GLI3: variants seen among roughly 807,000 people sequenced by gnomAD.
GLI3 encodes the protein GLI family zinc finger 3.
Under a neutral mutation model 100.8 loss-of-function variants are expected in GLI3, and 20 were observed. That is an observed-to-expected ratio of 0.20 (90% confidence interval 0.14 to 0.29). The LOEUF (loss-of-function observed/expected upper bound fraction) is 0.29. GLI3 is among the 10% of genes least tolerant of loss of function. GLI3 has a pLI of 1.00. For synonymous variants in GLI3, 938 were observed against 860.5 expected (o/e 1.09, Z -1.58); for missense variants, 2,040 against 2,128.5 (o/e 0.96, Z 0.82).
At position 42,159,375 on chromosome 7, in the gene GLI3, C is replaced by T. The variant is rs117163365; in HGVS notation, c.125-10907G>A. Reference sequence around the variant, plus strand: ...GGATTATTTACCAACAAATGAAAGGCCCTTCATGCTGCCCAAGAGTATAAT... The same window carrying T: ...GGATTATTTACCAACAAATGAAAGGTCCTTCATGCTGCCCAAGAGTATAAT... On this transcript the variant is annotated intron_variant, in intron 2 of 14. Coordinates refer to ENST00000395925, the MANE Select transcript of GLI3 (RefSeq NM_000168.6). Among the ~76,000 whole-genome samples the T allele has an allele frequency of 2.1e-3, 321 of 152,282 alleles. 5 individuals carry two copies. In the East Asian group the frequency reaches 0.032, roughly 15 times the overall value.
intron 10 of GLI3, among the ~76,000 whole-genome samples, chr7:42,021,338 G>C (rs1344448781): frequency 6.6e-6 from 1 of 152,052 alleles, no homozygotes; most frequent in Non-Finnish European, 1.5e-5. Flanking sequence ...AATTAAAATA[G>C]TCCACTGTAT....
At chr7:42,100,958 A>G (rs1034481318) in intron 3 of GLI3, among the ~76,000 whole-genome samples, 15 of 152,144 alleles carry the variant, frequency 9.9e-5, no homozygotes. Flanking sequence ...CTGACAGATA[A>G]TAAATTTCTG....
chr7:42,119,642 T>C (rs1366293888), intron 3 of GLI3, among the ~76,000 whole-genome samples: 2 of 152,144 alleles, frequency 1.3e-5, no homozygotes, highest in African/African-American at 2.4e-5. Context: ...TTCCCAGATT[T>C]CCTATAGAAA....
intron 3 of GLI3, among the ~76,000 whole-genome samples, chr7:42,113,205 G>A (rs1045848784): frequency 4.6e-5 from 7 of 152,130 alleles, no homozygotes; most frequent in Non-Finnish European, 1.0e-4. Context: ...AGGAATGCCA[G>A]GGATGCTCGT....
chr7:42,111,314 G>A (rs1785700997), intron 3 of GLI3, among the ~76,000 whole-genome samples: 1 of 152,206 alleles, frequency 6.6e-6, no homozygotes, highest in Admixed American at 6.5e-5. Context: ...GGTGAGGCAA[G>A]TTCAGCAGTG....
chr7:42,094,544 T>G (rs1394655156), intron 3 of GLI3, among the ~76,000 whole-genome samples: 2 of 151,950 alleles, frequency 1.3e-5, no homozygotes, highest in African/African-American at 2.4e-5. Context: ...GAGACCAGCC[T>G]GGCCAACATG....
At chr7:42,232,278 C>G (rs1788709127) in intron 1 of GLI3, among the ~76,000 whole-genome samples, 1 of 152,170 alleles carries the variant, frequency 6.6e-6, no homozygotes, top group South Asian at 2.1e-4. Flanking sequence ...AAGTTTTCCC[C>G]TAAATCTCTG....
intron 1 of GLI3, among the ~76,000 whole-genome samples, chr7:42,243,832 T>C (rs531703822): frequency 6.6e-6 from 1 of 152,094 alleles, no homozygotes; most frequent in East Asian, 1.9e-4. Context: ...CTCATTCTTT[T>C]GTTGTTGTTG....
intron 2 of GLI3, among the ~76,000 whole-genome samples, chr7:42,160,139 A>C (rs983141503): frequency 3.9e-5 from 6 of 152,210 alleles, no homozygotes; most frequent in Non-Finnish European, 5.9e-5. Context: ...AGGGTTAAAC[A>C]TAATAGCATA....
intron 4 of GLI3, among the ~76,000 whole-genome samples, chr7:42,072,598 C>T (rs1784804581): frequency 6.6e-6 from 1 of 152,162 alleles, no homozygotes; most frequent in African/African-American, 2.4e-5. Context: ...CAATTGCCTA[C>T]ATTCCCAAGT....
intron 1 of GLI3, among the ~76,000 whole-genome samples, chr7:42,261,202 C>CACACACACACACAA (rs1438678123): frequency 1.1e-3 from 134 of 118,920 alleles, no homozygotes; most frequent in South Asian, 0.01. Flanking sequence ...CACACACAAA[C>CACACACACACACAA]ACACACACAC....
chr7:42,042,852 C>A lies in GLI3; in HGVS notation c.826+2532G>T, dbSNP rs1372619119. On this transcript the variant is annotated intron_variant, in intron 6 of 14. Transcript: ENST00000395925. ...AATATAAATAGTGGTCTTCAGGGGC[C>A]CTCATCTCTAGAATGTTCCTTATAG... Among the ~76,000 whole-genome samples, 3 of 152,148 alleles carry A rather than the reference C, an allele frequency of 2.0e-5. No individual in the cohort carries two copies. The East Asian group carries it at 5.8e-4, about 29-fold the overall frequency.
At chr7:41,975,320 T>G (rs1787481420) in intron 12 of GLI3, among the ~76,000 whole-genome samples, 1 of 152,154 alleles carries the variant, frequency 6.6e-6, no homozygotes, top group Non-Finnish European at 1.5e-5. Flanking sequence ...TAAATGAAGT[T>G]GCAAATAAGA....
intron 2 of GLI3, among the ~76,000 whole-genome samples, chr7:42,178,371 G>A (rs893142007): frequency 2.0e-5 from 3 of 152,144 alleles, no homozygotes; most frequent in African/African-American, 7.2e-5. Context: ...AAAGCTCCTC[G>A]GGCAATGACC....
intron 3 of GLI3, among the ~76,000 whole-genome samples, chr7:42,129,806 T>C (rs1786228485): frequency 6.6e-6 from 1 of 151,736 alleles, no homozygotes. Flanking sequence ...CGAGACTCCA[T>C]CTAAAAAACA....
chr7:41,982,240 C>T (rs1044137465), intron 10 of GLI3, among the ~76,000 whole-genome samples: 1 of 152,192 alleles, frequency 6.6e-6, no homozygotes, highest in Admixed American at 6.5e-5. Context: ...TGCTTAAATG[C>T]TGCACAGAGG....
chr7:42,216,103 A>T (rs1384170798), intron 2 of GLI3, among the ~76,000 whole-genome samples: 1 of 152,162 alleles, frequency 6.6e-6, no homozygotes, highest in Non-Finnish European at 1.5e-5. Flanking sequence ...ATGATCACAC[A>T]GCAATTACGT....
Position 41,966,031 on chromosome 7 carries a change from C to A in GLI3, c.3042G>T (p.Glu1014Asp). 1 of 1,593,086 alleles carries A rather than the reference C, an allele frequency of 6.3e-7. No homozygotes were observed. Among genetic ancestry groups the A allele is most frequent in the Non-Finnish European group, 8.5e-7 (1 of 1,176,010 alleles). The change falls in exon 15 of 15, where the codon GAG becomes GAT. Residue 1014 changes from glutamate to aspartate, a missense_variant. Physicochemically the swap from Glu to Asp is conservative, Grantham distance 45. Coordinates refer to ENST00000395925, the MANE Select transcript of GLI3 (RefSeq NM_000168.6). The surrounding 1 kb of genome is among the most constrained non-coding windows in gnomAD (Gnocchi z 5.8). The part of the protein sequence containing the change: ...RASDPVRTGS[E>D]GLALPRVPRF... ...GCGGCACACGAGGCAGGGCCAGGCC[C>A]TCGGAGCCTGTCCGCACCGGGTCGC...
chr7:42,203,824 C>A (rs1788095397), intron 2 of GLI3, among the ~76,000 whole-genome samples: 1 of 152,024 alleles, frequency 6.6e-6, no homozygotes, highest in Admixed American at 6.6e-5. Flanking sequence ...CATGGTGAAA[C>A]CCTGTCTCTA....
Sources: allele counts gnomAD v4.1 joint callset (sites outside exome capture counted in the v4.1 genomes callset), GRCh38; gene constraint gnomAD v4.1.1; non-coding constraint Gnocchi (gnomAD v3.1); transcripts MANE v1.5; gene names NCBI Gene and HGNC (gene_info 2026-07-23, HGNC 2026-07-21).